The following LVRN variants were observed in gnomAD, a reference collection of about 807,000 sequenced individuals.
LVRN encodes aminopeptidase Q.
A neutral mutation model predicts 111.4 loss-of-function variants in LVRN; 99 were observed. The ratio of observed to expected loss-of-function variants is 0.89; its 90% CI spans 0.76 to 1.05. The LOEUF (loss-of-function observed/expected upper bound fraction) is 1.05. Among genes scored for constraint, LVRN ranks in the 50% least tolerant of loss-of-function variants. The pLI is 0.00. For missense variants in LVRN, 1,414 were observed against 1,206.8 expected (o/e 1.17, Z -2.54); for synonymous variants, 488 against 449.5 (o/e 1.09, Z -1.08).
At chr5:116,005,271 G>A (rs930435565) in intron 12 of LVRN, among the ~76,000 whole-genome samples, 26 of 152,216 alleles carry the variant, frequency 1.7e-4, no homozygotes, top group African/African-American at 6.3e-4. Context: ...AGTGCTGAGA[G>A]GTGCTGAAGG....
At chr5:115,994,797 G>A (rs34498262) in intron 6 of LVRN, among the ~76,000 whole-genome samples, 58,637 of 152,048 alleles carry the variant, frequency 0.39, 11,446 homozygotes, top group South Asian at 0.48. Context: ...CTTTTAGAAT[G>A]CCATGATAAA....
intron 1 of LVRN, among the ~76,000 whole-genome samples, chr5:115,964,673 G>A (rs140927583): frequency 6.6e-6 from 1 of 152,060 alleles, no homozygotes; most frequent in East Asian, 1.9e-4. Context: ...CTGTTTCAGT[G>A]GGGCTGTGGC....
chr5:115,982,624 G>A (rs1316223689), intron 1 of LVRN, among the ~76,000 whole-genome samples: 1 of 151,998 alleles, frequency 6.6e-6, no homozygotes, highest in African/African-American at 2.4e-5. Flanking sequence ...GTCTGCTCGG[G>A]GTATTCTTGT....
intron 1 of LVRN, among the ~76,000 whole-genome samples, chr5:115,969,251 C>A (rs1160659293): frequency 6.6e-6 from 1 of 152,124 alleles, no homozygotes; most frequent in Non-Finnish European, 1.5e-5. Flanking sequence ...TTTGGAAAAA[C>A]TTTCAACCAT....
intron 6 of LVRN, among the ~76,000 whole-genome samples, chr5:115,994,984 G>T (rs1030147666): frequency 1.9e-4 from 29 of 152,032 alleles, no homozygotes; most frequent in African/African-American, 6.5e-4. Context: ...GCCTCTCTTT[G>T]CTGGTCCCCG....
chr5:116,004,632 A>C (rs1218328771), intron 12 of LVRN, among the ~76,000 whole-genome samples: 2 of 152,058 alleles, frequency 1.3e-5, no homozygotes, highest in Admixed American at 1.3e-4. Flanking sequence ...AAAAACCCCC[A>C]AAAAACTCCC....
intron 13 of LVRN, among the ~76,000 whole-genome samples, chr5:116,007,296 A>G (rs942461592): frequency 6.6e-6 from 1 of 152,198 alleles, no homozygotes; most frequent in Admixed American, 6.6e-5. Flanking sequence ...GGATCTTCAC[A>G]GGTTTGAGCC....
Position 116,012,391 on chromosome 5 carries a change from A to C in LVRN, c.2265A>C (p.Arg755Ser), listed in dbSNP as rs1236976005. ...GTTTATAGAGGTACCTATTAAAGAGACTTAATTTAATATGGAATATTTATT... is the reference window on the plus strand; with the variant it reads ...GTTTATAGAGGTACCTATTAAAGAGCCTTAATTTAATATGGAATATTTATT... ...YSLLKRYLLKRLNLIWNIYST... is the reference protein window; with the variant it reads ...YSLLKRYLLKSLNLIWNIYST... The change falls in exon 15 of 20, where the codon AGA becomes AGC. Residue 755 changes from arginine (R) to serine (S), a missense_variant. Physicochemically the swap from Arg to Ser is moderately radical, Grantham distance 110. Transcript: ENST00000357872. 6.6e-7 allele frequency: 1 copy of C among 1,505,800 alleles called. No homozygotes were observed. Among genetic ancestry groups the C allele is most frequent in the East Asian group, 2.3e-5 (1 of 43,670 alleles). The allele number at this position is 1,505,800 out of a possible 1,614,324, so 93.3% of individuals were successfully genotyped here. A position where few individuals can be genotyped will look rare whatever the true frequency, so the allele number is the denominator to read the frequency against.
rs1169792188 is a variant in LVRN, at chr5:116,026,141, C to A, written c.*23C>A. 1 of 1,613,046 alleles carries A rather than the reference C, an allele frequency of 6.2e-7. No homozygotes were observed. The highest frequency in any genetic ancestry group is 2.2e-5 in the East Asian group (1 of 44,862). ...TAGCTTGTGGCTATCTTTCAGCACT[C>A]CTCTTGCATATTATAATGTAGTTTG... On this transcript the variant is annotated 3_prime_UTR_variant, in exon 20 of 20. Coordinates refer to ENST00000357872, the MANE Select transcript of LVRN (RefSeq NM_173800.5).
chr5:116,000,436 G>A lies in LVRN; in HGVS notation c.1519G>A (p.Ala507Thr), dbSNP rs1264665759. 2 of 1,614,136 alleles carry A rather than the reference G, an allele frequency of 1.2e-6. No homozygotes were observed. Among genetic ancestry groups the A allele is most frequent in the Admixed American group, 1.7e-5 (1 of 60,022 alleles). ...LFDIFTYSKG[A>T]SMARMLSCFL... is the part of the protein sequence containing the mutation. Reference sequence around the variant, plus strand: ...TGGACAGCTTCTTTTGTCCTAGGGAGCGTCTATGGCCCGGATGCTTTCTTG... The same window carrying A: ...TGGACAGCTTCTTTTGTCCTAGGGAACGTCTATGGCCCGGATGCTTTCTTG... Residue 507 changes from alanine to threonine, a missense_variant, in exon 8 of 20, where the codon GCG (alanine) becomes ACG (threonine). By Grantham distance (58) the Ala-to-Thr change is moderately conservative (BLOSUM62 0). Coordinates refer to ENST00000357872, the MANE Select transcript of LVRN (RefSeq NM_173800.5).
intron 18 of LVRN, among the ~76,000 whole-genome samples, chr5:116,017,071 G>T (rs895708213): frequency 2.0e-5 from 3 of 152,164 alleles, no homozygotes; most frequent in African/African-American, 7.2e-5. Context: ...AAGGGCTTTT[G>T]GGGATTTAAG....
chr5:115,969,714 C>T (rs34463406), intron 1 of LVRN, among the ~76,000 whole-genome samples: 55,286 of 150,432 alleles, frequency 0.37, 10,825 homozygotes, highest in East Asian at 0.52. Context: ...GCAGAAGAAT[C>T]GCTTGAACTC....
At chr5:116,022,037 C>T (rs1748741167) in intron 18 of LVRN, 1 of 217,846 alleles carries the variant, frequency 4.6e-6, no homozygotes, top group Non-Finnish European at 9.1e-6. Context: ...CTATGAACTA[C>T]TGTTTTTTAA....
At chr5:116,021,672 C>T (rs926671621) in intron 18 of LVRN, 4 of 443,850 alleles carry the variant, frequency 9.0e-6, no homozygotes, top group East Asian at 7.0e-5. Context: ...ATTATAATAA[C>T]CCTATTTTAA....
chr5:115,981,909 TAAAAGTTCA>T (rs1158274581), intron 1 of LVRN, among the ~76,000 whole-genome samples: 1 of 152,174 alleles, frequency 6.6e-6, no homozygotes, highest in Admixed American at 6.5e-5. Context: ...ACCAATAATT[TAAAAGTTCA>T]AACAGCAGTA....
rs553475636 is a variant in LVRN at position 115,985,893 on chromosome 5, A to G, written c.978+1184A>G. Among the ~76,000 whole-genome samples the G allele has an allele frequency of 1.5e-4, 23 of 152,338 alleles. No individual in the cohort carries two copies. The South Asian group carries it at 4.6e-3, about 30-fold the overall frequency. On this transcript the variant is annotated intron_variant, in intron 3 of 19. Coordinates refer to ENST00000357872, the MANE Select transcript of LVRN (RefSeq NM_173800.5). ...ATCAAGCTGAGAAAAATCAGGCCCT[A>G]TAGCTCGCTAACATACTCTCCTGGG...
intron 18 of LVRN, among the ~76,000 whole-genome samples, chr5:116,019,688 G>A (rs1482392840): frequency 6.6e-6 from 1 of 152,238 alleles, no homozygotes; most frequent in East Asian, 1.9e-4. Flanking sequence ...GTGGGAGCCA[G>A]AATCATCATC....
chr5:116,002,960 G>A lies in LVRN; in HGVS notation c.1897+49G>A, dbSNP rs575282492. 5.5e-5 allele frequency: 75 copies of A among 1,363,132 alleles called. No individual in the cohort carries two copies. The South Asian group carries it at 9.3e-4, about 17-fold the overall frequency. The allele number at this position is 1,363,132 out of a possible 1,614,324, so 84.4% of individuals were successfully genotyped here. ...TCTTTATATATATGCATATGTAAAG[G>A]CAGGGAATAAAATATTGAAAAGTCT... On this transcript the variant is annotated intron_variant, in intron 11 of 19. Transcript: ENST00000357872.
chr5:116,007,846 T>G (rs763983917), intron 13 of LVRN, among the ~76,000 whole-genome samples: 5 of 152,242 alleles, frequency 3.3e-5, no homozygotes, highest in Admixed American at 2.6e-4. Context: ...TTCAAACTTT[T>G]TCATGATTGT....
Sources: gnomAD v4.1 joint callset for allele counts (sites outside exome capture counted in the v4.1 genomes callset) on GRCh38, gnomAD v4.1.1 for gene constraint, MANE v1.5 for transcripts, NCBI Gene and HGNC (gene_info 2026-07-23, HGNC 2026-07-21) for gene names.